The following CERS4 variants were observed in gnomAD, a reference collection of about 807,000 sequenced individuals.
The protein encoded by CERS4 is LAG1 homolog, ceramide synthase 4.
Under a neutral mutation model 51.8 loss-of-function variants are expected in CERS4, and 65 were observed. The observed-to-expected ratio is 1.26, with a 90% CI of 1.03 to 1.54. The LOEUF is 1.54. CERS4 is among the 40% of genes most tolerant of loss of function. The pLI is 0.00. For missense variants in CERS4, 563 were observed against 500.4 expected (o/e 1.13, Z -1.19); for synonymous variants, 228 against 208.4 (o/e 1.09, Z -0.81).
chr19:8,254,322 CA>C (rs74176633), intron 3 of CERS4, among the ~76,000 whole-genome samples, 176 bp from the exon 4 acceptor site: 864 of 38,766 alleles, frequency 0.022, 13 homozygotes, highest in African/African-American at 0.065. Context: ...TACTCTGTCT[CA>C]AAAAAAAAAA....
intron 2 of CERS4, among the ~76,000 whole-genome samples, chr19:8,232,207 C>T (rs976068363): frequency 6.6e-6 from 1 of 152,088 alleles, no homozygotes; most frequent in African/African-American, 2.4e-5. Context: ...AGTGCCATTT[C>T]TTTCTTCCAT....
intron 2 of CERS4, among the ~76,000 whole-genome samples, chr19:8,233,677 C>T (rs965473416): frequency 4.6e-5 from 7 of 151,940 alleles, no homozygotes; most frequent in African/African-American, 7.3e-5. Flanking sequence ...AGCTCTTCCT[C>T]CACCCCATAC....
intron 2 of CERS4, among the ~76,000 whole-genome samples, chr19:8,224,726 G>A (rs1967713193): frequency 6.6e-6 from 1 of 152,134 alleles, no homozygotes; most frequent in African/African-American, 2.4e-5. Flanking sequence ...GTGGGGAGGC[G>A]GCCACCATGA....
At chr19:8,246,649 G>T (rs117049357) in intron 2 of CERS4, among the ~76,000 whole-genome samples, 1 of 152,180 alleles carries the variant, frequency 6.6e-6, no homozygotes, top group Non-Finnish European at 1.5e-5. Context: ...TCTGTGTGCT[G>T]ACATGTGTAG....
At chr19:8,217,522 C>T (rs1330360700) in intron 2 of CERS4, among the ~76,000 whole-genome samples, 6 of 151,536 alleles carry the variant, frequency 4.0e-5, no homozygotes, top group Non-Finnish European at 5.9e-5. Context: ...GTGTCCACTA[C>T]CACACCTGGC....
chr19:8,250,910 C>A, intron 2 of CERS4, 166 bp from the exon 3 acceptor site: 8 of 1,444,918 alleles, frequency 5.5e-6, no homozygotes, highest in South Asian at 3.1e-5. Context: ...AGGACAGTTC[C>A]AAAGTCCCAG....
Position 8,255,624 on chromosome 19 carries a change from G to C in CERS4, c.309G>C (p.Leu103=). ...HRPKEPQLSL[L]AAQCGLTLQQ... ...CTCCCCAGCCCCAGCTGTCTCTCCT[G>C]GCCGCCCAGTGTGGCCTCACGCTGC... is the stretch of plus-strand genomic sequence containing the variant. Residue 103 remains leucine, a synonymous_variant, in exon 5 of 12, where the codon CTG becomes CTC. Transcript: ENST00000251363. 1 of 1,612,294 alleles carries C rather than the reference G, an allele frequency of 6.2e-7. No homozygotes were observed. The highest frequency in any genetic ancestry group is 1.1e-5 in the South Asian group (1 of 90,950).
intron 2 of CERS4, among the ~76,000 whole-genome samples, chr19:8,212,955 CTTTCT>C (rs973826758): frequency 6.6e-6 from 1 of 151,930 alleles, no homozygotes; most frequent in African/African-American, 2.4e-5. Context: ...GCCCGTCTCA[CTTTCT>C]TTTGTGGCTG....
At chr19:8,256,774 A>T in intron 8 of CERS4, 64 bp downstream of exon 8, 2 of 1,579,338 alleles carry the variant, frequency 1.3e-6, no homozygotes, top group Non-Finnish European at 1.7e-6. Context: ...GCTGGGGGGT[A>T]GGGCAGCCTT....
chr19:8,233,013 C>T (rs115770251), intron 2 of CERS4, among the ~76,000 whole-genome samples: 1,878 of 149,112 alleles, frequency 0.013, 37 homozygotes, highest in African/African-American at 0.044. Context: ...GCTGGGGTTA[C>T]AGACATAAGC....
chr19:8,210,472 C>T lies in CERS4; in HGVS notation c.-158-234C>T, dbSNP rs116431254. On this transcript the variant is annotated intron_variant, in intron 1 of 11. Coordinates refer to ENST00000251363, the MANE Select transcript of CERS4 (RefSeq NM_024552.3). The surrounding 1 kb of genome is among the most constrained non-coding windows in gnomAD (Gnocchi z 4.2). ...TGAGGAGAAGCTGCTCTGGGGGACACAGGAAGGTGGGCAGGGGGAGAGGCT... is the reference window on the plus strand; with the variant it reads ...TGAGGAGAAGCTGCTCTGGGGGACATAGGAAGGTGGGCAGGGGGAGAGGCT... Among the ~76,000 whole-genome samples the T allele has an allele frequency of 1.7e-4, 26 of 151,946 alleles. 1 individual carries two copies. The highest frequency in any genetic ancestry group is 6.3e-4 in the African/African-American group (26 of 41,402).
chr19:8,222,443 G>A (rs1282403058), intron 2 of CERS4, among the ~76,000 whole-genome samples: 4 of 151,988 alleles, frequency 2.6e-5, no homozygotes, highest in African/African-American at 4.8e-5. Context: ...CCTCCGAGAA[G>A]TGCTGGGATT....
At chr19:8,217,942 G>A (rs1201643743) in intron 2 of CERS4, among the ~76,000 whole-genome samples, 3 of 151,864 alleles carry the variant, frequency 2.0e-5, no homozygotes, top group Non-Finnish European at 4.4e-5. Flanking sequence ...CAAAGTGCTG[G>A]GATCTACATT....
At chr19:8,221,010 A>G (rs10414312) in intron 2 of CERS4, among the ~76,000 whole-genome samples, 114,191 of 151,472 alleles carry the variant, frequency 0.75, 43,582 homozygotes, top group African/African-American at 0.83. Flanking sequence ...TTTTTTTAGT[A>G]GAGACGGGGT....
chr19:8,254,517 G>A lies in CERS4; in HGVS notation c.192G>A (p.Leu64=). Residue 64 remains leucine (L), a synonymous_variant, in exon 4 of 12, where the codon CTG becomes CTA. Transcript: ENST00000251363. ...CACCCAGATTCATTGGCCTGCCCCT[G>A]AGCCGGTGGCTGGGTGTGAGGGATC... ...LAFERFIGLP[L]SRWLGVRDQT... is the part of the protein sequence containing the mutation. 6.2e-7 allele frequency: 1 copy of A among 1,613,762 alleles called. No individual in the cohort carries two copies. The highest frequency in any genetic ancestry group is 1.1e-5 in the South Asian group (1 of 91,072).
chr19:8,256,351 T>A, intron 7 of CERS4, 65 bp downstream of exon 7: 1 of 1,566,530 alleles, frequency 6.4e-7, no homozygotes, highest in African/African-American at 1.3e-5. Context: ...GCTGCAGCCA[T>A]GGGCATGGGA....
rs949376375 is a variant in CERS4 at position 8,262,227 on chromosome 19, T to C, written c.*118T>C. 1.0e-5 allele frequency: 12 copies of C among 1,156,142 alleles called. No individual in the cohort carries two copies. The African/African-American group carries it at 1.7e-4, about 17-fold the overall frequency. 71.6% of individuals were successfully genotyped at this position (1,156,142 alleles called of 1,614,324 possible). A position where few individuals can be genotyped will look rare whatever the true frequency, so the allele number is the denominator to read the frequency against. The stretch of plus-strand genomic sequence containing the variant: ...GAGACAGGGAGGGCCCCACCCGGGG[T>C]GGGTGGGAAGGCTGATGATCTGTCT... On this transcript the variant is annotated 3_prime_UTR_variant, in exon 12 of 12. Transcript: ENST00000251363.
At chr19:8,223,209 G>T (rs553793264) in intron 2 of CERS4, among the ~76,000 whole-genome samples, 2 of 151,846 alleles carry the variant, frequency 1.3e-5, no homozygotes, top group East Asian at 3.9e-4. Flanking sequence ...GCATGTACCT[G>T]TAATCCCAGC....
chr19:8,232,838 G>A (rs1968072686), intron 2 of CERS4, among the ~76,000 whole-genome samples: 1 of 147,054 alleles, frequency 6.8e-6, no homozygotes. Context: ...TTCCACCTCA[G>A]CCTCCTAGAG....
Sources: allele counts gnomAD v4.1 joint callset (sites outside exome capture counted in the v4.1 genomes callset), GRCh38; gene constraint gnomAD v4.1.1; non-coding constraint Gnocchi (gnomAD v3.1); transcripts MANE v1.5; gene names NCBI Gene and HGNC (gene_info 2026-07-23, HGNC 2026-07-21).